AATF: variants seen among roughly 807,000 people sequenced by gnomAD.
AATF encodes the protein protein AATF.
Under a neutral mutation model 63.7 loss-of-function variants are expected in AATF, and 48 were observed. That is an observed-to-expected ratio of 0.75 (90% CI 0.60 to 0.96). AATF has a LOEUF of 0.96. AATF is among the 40% of genes least tolerant of loss of function. The pLI is 0.00. For synonymous variants in AATF, 258 were observed against 247.7 expected (o/e 1.04, Z -0.39); for missense variants, 639 against 685.7 (o/e 0.93, Z 0.76).
At chr17:36,985,163 A>G (rs964500700) in intron 4 of AATF, among the ~76,000 whole-genome samples, 24 of 152,042 alleles carry the variant, frequency 1.6e-4, no homozygotes, top group African/African-American at 5.8e-4. Context: ...CCGCCTCCCA[A>G]AGTGCTGGGA....
chr17:37,013,454 TG>T (rs2071406522), intron 8 of AATF, among the ~76,000 whole-genome samples: 1 of 152,204 alleles, frequency 6.6e-6, no homozygotes, highest in Admixed American at 6.5e-5. Flanking sequence ...GGGCTTCTAG[TG>T]GAAGCCTCAG....
intron 4 of AATF, among the ~76,000 whole-genome samples, chr17:36,984,518 G>A (rs1020749984): frequency 6.6e-6 from 1 of 152,216 alleles, no homozygotes; most frequent in African/African-American, 2.4e-5. Flanking sequence ...GATTATAGGA[G>A]AGGTGTCTGA....
chr17:37,025,075 C>G (rs1017805578), intron 10 of AATF, among the ~76,000 whole-genome samples: 2 of 152,026 alleles, frequency 1.3e-5, no homozygotes, highest in African/African-American at 4.8e-5. Context: ...GTGAGTAGTT[C>G]TTACTTAAGA....
At chr17:36,955,877 C>T (rs2070895718) in intron 4 of AATF, among the ~76,000 whole-genome samples, 2 of 152,260 alleles carry the variant, frequency 1.3e-5, no homozygotes, top group South Asian at 4.1e-4. Context: ...ATCTTCCCGC[C>T]TCAGCCTCCT....
chr17:36,965,665 G>A (rs2070985748), intron 4 of AATF, among the ~76,000 whole-genome samples: 1 of 152,010 alleles, frequency 6.6e-6, no homozygotes, highest in African/African-American at 2.4e-5. Flanking sequence ...TTTGGTCTCT[G>A]GACATGTTTG....
chr17:37,047,307 C>T (rs1296124706), intron 11 of AATF, among the ~76,000 whole-genome samples: 2 of 152,042 alleles, frequency 1.3e-5, no homozygotes, highest in South Asian at 2.1e-4. Flanking sequence ...TTTGCAAGTC[C>T]GCTAAGGTAA....
chr17:37,042,416 T>G (rs2142313965), intron 11 of AATF, among the ~76,000 whole-genome samples: 1 of 151,968 alleles, frequency 6.6e-6, no homozygotes, highest in Admixed American at 6.6e-5. Flanking sequence ...TTTTTTGTTT[T>G]TTTCTTTTTT....
rs112276363 is a variant in AATF at position 36,984,811 on chromosome 17, A to C, written c.833-1806A>C. Among the ~76,000 whole-genome samples the C allele has an allele frequency of 1.5e-3, 221 of 152,008 alleles. 1 individual carries two copies. The highest frequency in any genetic ancestry group is 5.2e-3 in the African/African-American group (215 of 41,438). Reference sequence around the variant, plus strand: ...CATCAAAACCGGCTAGTTTTTAAAAAAAATTTTGTAGAGCTGGGGTCTTAC... The same window carrying C: ...CATCAAAACCGGCTAGTTTTTAAAACAAATTTTGTAGAGCTGGGGTCTTAC... On this transcript the variant is annotated intron_variant, in intron 4 of 11. Coordinates refer to ENST00000619387, the MANE Select transcript of AATF (RefSeq NM_012138.4).
intron 11 of AATF, among the ~76,000 whole-genome samples, chr17:37,053,399 T>A (rs1323691062): frequency 6.6e-6 from 1 of 152,162 alleles, no homozygotes; most frequent in Non-Finnish European, 1.5e-5. Flanking sequence ...TTCATTTCAA[T>A]TTTTTGAATT....
At chr17:37,021,059 A>G in intron 10 of AATF, 45 bp downstream of exon 10, 1 of 1,337,560 alleles carries the variant, frequency 7.5e-7, no homozygotes, top group Non-Finnish European at 1.0e-6. Flanking sequence ...TTGTATATGT[A>G]TCTCGTCTCT....
rs746395950 is a variant in AATF at position 36,989,332 on chromosome 17, C to G, written c.1235C>G (p.Thr412Ser). ...GAGAGATTACTTCGAAGGACACAGA[C>G]CAAGCGCTCTGTCTATCGAGTTCTT... The part of the protein sequence containing the change: ...DKERLLRRTQ[T>S]KRSVYRVLGK... The change falls in exon 7 of 12, where the codon ACC becomes AGC. Residue 412 changes from threonine (T) to serine (S), a missense_variant. Physicochemically the swap from Thr to Ser is moderately conservative, Grantham distance 58. Coordinates refer to ENST00000619387, the MANE Select transcript of AATF (RefSeq NM_012138.4). 3.7e-5 allele frequency: 60 copies of G among 1,613,968 alleles called. No individual in the cohort carries two copies. Among genetic ancestry groups the G allele is most frequent in the Non-Finnish European group, 4.7e-5 (55 of 1,180,018 alleles).
intron 4 of AATF, among the ~76,000 whole-genome samples, chr17:36,976,329 A>G (rs1261525727): frequency 6.6e-6 from 1 of 152,194 alleles, no homozygotes; most frequent in Non-Finnish European, 1.5e-5. Context: ...AAGGATTGTT[A>G]GAGGACTTAA....
intron 11 of AATF, among the ~76,000 whole-genome samples, chr17:37,041,008 T>A (rs1226655434): frequency 6.6e-6 from 1 of 152,178 alleles, no homozygotes; most frequent in Non-Finnish European, 1.5e-5. Flanking sequence ...ATCTTTTTCC[T>A]GTATAATAAA....
intron 4 of AATF, among the ~76,000 whole-genome samples, chr17:36,960,327 A>G (rs912427787): frequency 2.0e-5 from 3 of 152,142 alleles, no homozygotes; most frequent in South Asian, 2.1e-4. Flanking sequence ...AAAATTTTTA[A>G]TGGTAATTTG....
intron 4 of AATF, among the ~76,000 whole-genome samples, chr17:36,975,014 T>C (rs998643431): frequency 6.6e-6 from 1 of 152,194 alleles, no homozygotes; most frequent in African/African-American, 2.4e-5. Flanking sequence ...TGAGATGTTA[T>C]TTTCTTTCAG....
At chr17:36,991,506 T>G (rs1567975976) in intron 8 of AATF, among the ~76,000 whole-genome samples, 1 of 152,180 alleles carries the variant, frequency 6.6e-6, no homozygotes, top group South Asian at 2.1e-4. Flanking sequence ...TGCCAGAGAC[T>G]GTTAAGATAG....
At chr17:36,953,385 C>T in intron 3 of AATF, 89 bp downstream of exon 3, 2 of 1,533,652 alleles carry the variant, frequency 1.3e-6, no homozygotes, top group Non-Finnish European at 1.8e-6. Context: ...TATTCTCTAT[C>T]TCCTGTGTCC....
chr17:36,991,754 T>A (rs1256858863), intron 8 of AATF, among the ~76,000 whole-genome samples: 1 of 151,786 alleles, frequency 6.6e-6, no homozygotes, highest in East Asian at 1.9e-4. Context: ...CCTGGCTAAT[T>A]TTTTGTATTT....
In AATF at chr17:37,020,644, T is replaced by G. The variant is rs553007102; in HGVS notation, c.1467-290T>G. The stretch of plus-strand genomic sequence containing the variant: ...AAAACCCAAGTAGCTCTACTAAATC[T>G]GATGGGTTTGCCTGCAGACTGGTAG... On this transcript the variant is annotated intron_variant, in intron 9 of 11. Transcript: ENST00000619387. 3.9e-5 allele frequency among the ~76,000 whole-genome samples: 6 copies of G among 152,318 alleles called. No individual in the cohort carries two copies. The East Asian group carries it at 1.2e-3, about 29-fold the overall frequency.
Sources: gnomAD v4.1 joint callset for allele counts (sites outside exome capture counted in the v4.1 genomes callset) on GRCh38, gnomAD v4.1.1 for gene constraint, MANE v1.5 for transcripts, NCBI Gene and HGNC (gene_info 2026-07-23, HGNC 2026-07-21) for gene names.